Variants in CKAP5 observed in about 807,000 individuals in gnomAD.
The protein encoded by CKAP5 is cytoskeleton-associated protein 5.
CKAP5 carries 27 observed loss-of-function variants against 232.8 expected under a neutral mutation model. The ratio of observed to expected loss-of-function variants is 0.12; its 90% CI spans 0.09 to 0.16. CKAP5 has a LOEUF of 0.16. Among genes scored for constraint, CKAP5 ranks in the 10% least tolerant of loss-of-function variants. CKAP5 has a pLI of 1.00. For synonymous variants in CKAP5, 785 were observed against 841.1 expected (o/e 0.93, Z 1.16); for missense variants, 1,838 against 2,424.7 (o/e 0.76, Z 5.08).
chr11:46,783,472 A>C (rs866592628), intron 17 of CKAP5, 104 bp from the exon 18 acceptor site: 1 of 654,646 alleles, frequency 1.5e-6, no homozygotes, highest in Non-Finnish European at 2.6e-6. Context: ...TCTGACGCTA[A>C]AACAACTGCA....
intron 13 of CKAP5, 41 bp downstream of exon 13, chr11:46,795,553 A>G (rs371742106): frequency 6.5e-7 from 1 of 1,539,154 alleles, no homozygotes; most frequent in Middle Eastern, 1.8e-4. Context: ...TGAGACTCAG[A>G]CCCTTCCTTA....
intron 30 of CKAP5, 93 bp from the exon 31 acceptor site, chr11:46,762,855 T>C: frequency 6.9e-7 from 1 of 1,443,628 alleles, no homozygotes; most frequent in South Asian, 1.2e-5. Flanking sequence ...AATAGGGAAA[T>C]AGGGATAAGT....
intron 3 of CKAP5, among the ~76,000 whole-genome samples, chr11:46,817,405 T>C (rs896056377): frequency 6.6e-6 from 1 of 152,222 alleles, no homozygotes; most frequent in Non-Finnish European, 1.5e-5. Flanking sequence ...TTACAATAAC[T>C]TTACTGCTTT....
At chr11:46,816,570 C>T (rs544879214) in intron 3 of CKAP5, among the ~76,000 whole-genome samples, 166 bp from the exon 4 acceptor site, 1 of 152,118 alleles carries the variant, frequency 6.6e-6, no homozygotes, top group East Asian at 1.9e-4. Context: ...TAACGTTAAA[C>T]ATAAAATTTT....
Position 46,778,470 on chromosome 11 carries a change from T to C in CKAP5, c.2563A>G (p.Thr855Ala). 6.2e-7 allele frequency: 1 copy of C among 1,614,178 alleles called. No homozygotes were observed. Among genetic ancestry groups the C allele is most frequent in the South Asian group, 1.1e-5 (1 of 91,084 alleles). ...SNDVVDLLPRTEISDKITSEL... is the reference protein window; with the variant it reads ...SNDVVDLLPRAEISDKITSEL... ...CAGACTGGAACCTACCTGATCTCCGTCCTCGGCAAAAGATCAACGACATCA... is the reference window on the plus strand; with the variant it reads ...CAGACTGGAACCTACCTGATCTCCGCCCTCGGCAAAAGATCAACGACATCA... The change falls in exon 21 of 44, where the codon ACG becomes GCG. Residue 855 changes from threonine (T) to alanine (A), a missense_variant. Around this residue, in one of 6 missense-constraint regions of CKAP5, gnomAD observed 767 missense variants for 954.6 expected, o/e 0.80. Transcript: ENST00000529230.
intron 38 of CKAP5, among the ~76,000 whole-genome samples, chr11:46,752,198 A>ACT (rs1197041293): frequency 1.2e-5 from 1 of 84,982 alleles, no homozygotes; most frequent in African/African-American, 3.5e-5. Flanking sequence ...ATATATACAC[A>ACT]CACACACACA....
chr11:46,832,454 A>G (rs1939813437), intron 1 of CKAP5, among the ~76,000 whole-genome samples: 1 of 152,226 alleles, frequency 6.6e-6, no homozygotes, highest in Non-Finnish European at 1.5e-5. Context: ...GATTAAATTT[A>G]GTGCAAACCT....
chr11:46,772,804 C>T (rs1035396724), intron 24 of CKAP5, among the ~76,000 whole-genome samples: 3 of 151,762 alleles, frequency 2.0e-5, no homozygotes, highest in East Asian at 1.9e-4. Context: ...TGCAGTGGCA[C>T]GATCTTGGCT....
intron 8 of CKAP5, among the ~76,000 whole-genome samples, chr11:46,804,911 C>T (rs986772169): frequency 1.3e-5 from 2 of 151,480 alleles, no homozygotes. Context: ...ATCAAAGAAG[C>T]GATGAGCTGG....
At chr11:46,779,226 C>T (rs2065317692) in intron 20 of CKAP5, among the ~76,000 whole-genome samples, 1 of 151,856 alleles carries the variant, frequency 6.6e-6, no homozygotes, top group Non-Finnish European at 1.5e-5. Context: ...CTATGCCTCC[C>T]GGGTTGAAGT....
rs531777294 is a variant in CKAP5, at chr11:46,794,494, AT to A, written c.1650+1099del. ...AAATGGGCAAAGAACTTGAGTAGAT[AT>A]TTTTTTCCAAGAAGAACTATACAAC... On this transcript the variant is annotated intron_variant, in intron 13 of 43. Transcript: ENST00000529230. Among the ~76,000 whole-genome samples the A allele has an allele frequency of 4.1e-3, 432 of 106,538 alleles. 2 individuals carry two copies. Among genetic ancestry groups the A allele is most frequent in the African/African-American group, 0.01 (411 of 39,274 alleles). 69.9% of individuals were successfully genotyped at this position (106,538 alleles called of 152,430 possible).
rs929820243 is a variant in CKAP5, at chr11:46,755,075, C to A, written c.4690-8G>T. The stretch of plus-strand genomic sequence containing the variant: ...TCTCAGGACCTCATCGATCTGATAA[C>A]AAAAATTTCAAGATATATTTTCCAA... On this transcript the variant is annotated splice_region_variant and splice_polypyrimidine_tract_variant and intron_variant, in intron 35 of 43. Transcript: ENST00000529230. The A allele has an allele frequency of 1.3e-6, 2 of 1,584,060 alleles. No individual in the cohort carries two copies. Among genetic ancestry groups the A allele is most frequent in the African/African-American group, 1.4e-5 (1 of 73,518 alleles).
At chr11:46,816,490 T>C (rs1939405313) in intron 3 of CKAP5, 86 bp from the exon 4 acceptor site, 1 of 918,760 alleles carries the variant, frequency 1.1e-6, no homozygotes, top group Admixed American at 2.1e-5. Flanking sequence ...CTAGTACTTT[T>C]ACAAATGCTA....
At chr11:46,806,991 C>G (rs1458935891) in intron 8 of CKAP5, among the ~76,000 whole-genome samples, 5 of 152,128 alleles carry the variant, frequency 3.3e-5, no homozygotes, top group Non-Finnish European at 7.3e-5. Flanking sequence ...AAAATGGCCC[C>G]TAAGTGTAGT....
chr11:46,760,048 C>A (rs932430319), intron 33 of CKAP5, among the ~76,000 whole-genome samples: 3 of 152,190 alleles, frequency 2.0e-5, no homozygotes, highest in Non-Finnish European at 2.9e-5. Flanking sequence ...ATAGAGCTGT[C>A]TTGCTTAGGA....
intron 8 of CKAP5, among the ~76,000 whole-genome samples, chr11:46,807,206 T>C (rs1939177051): frequency 6.6e-6 from 1 of 152,254 alleles, no homozygotes; most frequent in Admixed American, 6.5e-5. Context: ...GATGGAAATG[T>C]TGTGACCAAA....
intron 1 of CKAP5, among the ~76,000 whole-genome samples, chr11:46,831,014 G>A (rs569633139): frequency 1.3e-5 from 2 of 152,240 alleles, no homozygotes; most frequent in South Asian, 2.1e-4. Context: ...GCAGTGAGCC[G>A]AGATCGCGTC....
Position 46,750,185 on chromosome 11 carries a change from G to A in CKAP5, c.5704+89C>T, listed in dbSNP as rs973333500. 42 of 1,301,100 alleles carry A rather than the reference G, an allele frequency of 3.2e-5. No homozygotes were observed. In the African/African-American group the frequency reaches 3.8e-4, roughly 12 times the overall value. 80.6% of individuals were successfully genotyped at this position (1,301,100 alleles called of 1,614,324 possible). The stretch of plus-strand genomic sequence containing the variant: ...GTGACCATTAAGTATTGAGGTTCAT[G>A]GATATGAATTTAAACTAACCAAAAC... On this transcript the variant is annotated intron_variant, in intron 42 of 43. Transcript: ENST00000529230.
chr11:46,790,714 C>T (rs1243119525), intron 13 of CKAP5, 131 bp from the exon 14 acceptor site: 3 of 637,456 alleles, frequency 4.7e-6, no homozygotes. Context: ...ACAAGCTCAG[C>T]TTGCTACAGG....
Sources: allele counts gnomAD v4.1 joint callset (sites outside exome capture counted in the v4.1 genomes callset), GRCh38; gene constraint gnomAD v4.1.1; regional missense constraint gnomAD v4.1.1; transcripts MANE v1.5; gene names NCBI Gene and HGNC (gene_info 2026-07-23, HGNC 2026-07-21).